Variants in OSBPL8 observed in about 807,000 individuals in gnomAD.
OSBPL8 encodes the protein oxysterol-binding protein-related protein 8.
In OSBPL8, 59 loss-of-function variants were observed where a neutral mutation model predicts 125.5. That is an observed-to-expected ratio of 0.47 (90% CI 0.38 to 0.58). OSBPL8 has a LOEUF of 0.58. Among genes scored for constraint, OSBPL8 ranks in the 20% least tolerant of loss-of-function variants. The pLI, the probability that OSBPL8 is intolerant of heterozygous loss-of-function variation, is 0.00. For missense variants in OSBPL8, 758 were observed against 1,047.8 expected, an observed-to-expected ratio of 0.72 and a Z score of 3.82; for synonymous variants, 330 against 338.9, an observed-to-expected ratio of 0.97 and a Z score of 0.29.
intron 16 of OSBPL8, among the ~76,000 whole-genome samples, chr12:76,376,437 G>A (rs1952821295): frequency 6.6e-6 from 1 of 152,112 alleles, no homozygotes; most frequent in Non-Finnish European, 1.5e-5. Context: ...TGACTTGGGG[G>A]AACACACCTT....
intron 2 of OSBPL8, among the ~76,000 whole-genome samples, chr12:76,476,554 T>C (rs1483018713): frequency 1.3e-5 from 2 of 151,810 alleles, no homozygotes; most frequent in Admixed American, 6.6e-5. Flanking sequence ...AATAAATTAA[T>C]GAGCTAGAAG....
chr12:76,541,979 C>T, intron 1 of OSBPL8, among the ~76,000 whole-genome samples: 1 of 152,182 alleles, frequency 6.6e-6, no homozygotes, highest in East Asian at 1.9e-4. Flanking sequence ...CGAGACCCAC[C>T]TGGCCAACCT....
In OSBPL8 at chr12:76,435,013, A is replaced by G. The variant is rs140733582; in HGVS notation, c.217+15838T>C. On this transcript the variant is annotated intron_variant, in intron 4 of 23. Coordinates refer to ENST00000261183, the MANE Select transcript of OSBPL8 (RefSeq NM_020841.5). ...CAACACCACTTCAGAGTATATATCC[A>G]AAGGAAATGAAACCTGTATCTCAAG... Among the ~76,000 whole-genome samples, 685 of 152,276 alleles carry G rather than the reference A, an allele frequency of 4.5e-3. 4 individuals carry two copies. The highest frequency in any genetic ancestry group is 7.6e-3 in the Non-Finnish European group (518 of 68,008).
At chr12:76,445,102 G>GT (rs1333778250) in intron 4 of OSBPL8, among the ~76,000 whole-genome samples, 1 of 152,078 alleles carries the variant, frequency 6.6e-6, no homozygotes, top group Non-Finnish European at 1.5e-5. Flanking sequence ...ATAATTTTCT[G>GT]TTTGGTTGTT....
intron 4 of OSBPL8, among the ~76,000 whole-genome samples, chr12:76,446,528 C>A (rs1193815448): frequency 6.6e-6 from 1 of 152,098 alleles, no homozygotes; most frequent in Non-Finnish European, 1.5e-5. Flanking sequence ...ATGACTAACA[C>A]CGTGGCTGCT....
At chr12:76,461,207 C>G (rs1460917438) in intron 2 of OSBPL8, among the ~76,000 whole-genome samples, 2 of 152,134 alleles carry the variant, frequency 1.3e-5, no homozygotes, top group Admixed American at 6.5e-5. Context: ...TTCTAATGAA[C>G]AGAATACAGC....
At chr12:76,465,943 T>C (rs557927595) in intron 2 of OSBPL8, among the ~76,000 whole-genome samples, 6 of 151,322 alleles carry the variant, frequency 4.0e-5, no homozygotes, top group African/African-American at 1.2e-4. Context: ...GAGGTGAAGG[T>C]TGCAGTAAGC....
chr12:76,356,072 G>A (rs1345314112), intron 23 of OSBPL8, 51 bp from the exon 24 acceptor site: 2 of 1,408,864 alleles, frequency 1.4e-6, no homozygotes, highest in African/African-American at 3.0e-5. Flanking sequence ...AGAAATGTTG[G>A]CATAGAGCCC....
In OSBPL8 at chr12:76,538,209, C is replaced by T. The variant is rs149939128; in HGVS notation, c.-68+21188G>A. Among the ~76,000 whole-genome samples, 5 of 152,248 alleles carry T rather than the reference C, an allele frequency of 3.3e-5. No homozygotes were observed. In the East Asian group the frequency reaches 9.6e-4, roughly 29 times the overall value. ...CATATATTATACATCAATGTAGTCACTAAAATATTTACAAACACATAAAAA... is the reference window on the plus strand; with the variant it reads ...CATATATTATACATCAATGTAGTCATTAAAATATTTACAAACACATAAAAA... On this transcript the variant is annotated intron_variant, in intron 1 of 23. Coordinates refer to ENST00000261183, the MANE Select transcript of OSBPL8 (RefSeq NM_020841.5).
At chr12:76,513,365 G>A (rs1881199763) in intron 1 of OSBPL8, among the ~76,000 whole-genome samples, 1 of 152,206 alleles carries the variant, frequency 6.6e-6, no homozygotes, top group East Asian at 1.9e-4. Flanking sequence ...TGCTTTCGGA[G>A]TATGTTCCAT....
chr12:76,483,283 C>T (rs771575290), intron 2 of OSBPL8, among the ~76,000 whole-genome samples: 2 of 146,756 alleles, frequency 1.4e-5, no homozygotes, highest in Non-Finnish European at 3.0e-5. Flanking sequence ...ATAGTATTGG[C>T]TGGCTGCAGT....
At chr12:76,412,165 C>T (rs1025105372) in intron 4 of OSBPL8, among the ~76,000 whole-genome samples, 1 of 151,992 alleles carries the variant, frequency 6.6e-6, no homozygotes, top group Non-Finnish European at 1.5e-5. Flanking sequence ...TATGGTCACA[C>T]TGTGGAAAAT....
intron 6 of OSBPL8, among the ~76,000 whole-genome samples, 195 bp from the exon 7 acceptor site, chr12:76,400,169 C>T (rs1383180758): frequency 3.3e-5 from 5 of 152,124 alleles, no homozygotes; most frequent in Non-Finnish European, 7.4e-5. Flanking sequence ...TCCTCCCACC[C>T]TCACCCTCTG....
At chr12:76,436,079 T>G (rs77875825) in intron 4 of OSBPL8, among the ~76,000 whole-genome samples, 1 of 149,046 alleles carries the variant, frequency 6.7e-6, no homozygotes, top group Non-Finnish European at 1.5e-5. Context: ...GAGAGAATAT[T>G]GAGAGAATAT....
chr12:76,497,363 G>A (rs536244499), intron 1 of OSBPL8, among the ~76,000 whole-genome samples: 2 of 152,248 alleles, frequency 1.3e-5, no homozygotes, highest in African/African-American at 2.4e-5. Flanking sequence ...ACAAAAATAG[G>A]AGTAGAGCAT....
intron 1 of OSBPL8, among the ~76,000 whole-genome samples, chr12:76,553,002 A>G (rs1015898121): frequency 6.6e-6 from 1 of 152,184 alleles, no homozygotes; most frequent in Non-Finnish European, 1.5e-5. Context: ...TTATAATCAT[A>G]ACAATGCACA....
At chr12:76,373,295 T>TC (rs398040032) in intron 18 of OSBPL8, 49 bp downstream of exon 18, 32 of 1,233,794 alleles carry the variant, frequency 2.6e-5, no homozygotes, top group South Asian at 5.7e-5. Flanking sequence ...ATTTTTTTTT[T>TC]CCCACAGAAT....
At chr12:76,490,656 A>AT (rs989568280) in intron 1 of OSBPL8, among the ~76,000 whole-genome samples, 33 of 152,138 alleles carry the variant, frequency 2.2e-4, no homozygotes, top group African/African-American at 7.5e-4. Flanking sequence ...ATGTAACCTC[A>AT]TTTTTTTCCT....
intron 1 of OSBPL8, among the ~76,000 whole-genome samples, chr12:76,553,057 T>C (rs1950989137): frequency 6.6e-6 from 1 of 152,172 alleles, no homozygotes; most frequent in African/African-American, 2.4e-5. Context: ...TCCCTCATCC[T>C]ACTCTCCACT....
Sources: allele counts gnomAD v4.1 joint callset (sites outside exome capture counted in the v4.1 genomes callset), GRCh38; gene constraint gnomAD v4.1.1; transcripts MANE v1.5; gene names NCBI Gene and HGNC (gene_info 2026-07-23, HGNC 2026-07-21).